Variants in DOK6 observed in about 807,000 individuals in gnomAD.
The protein encoded by DOK6 is docking protein 6.
A neutral mutation model predicts 44.0 loss-of-function variants in DOK6; 22 were observed. That is an observed-to-expected ratio of 0.50 (90% CI 0.36 to 0.71). The LOEUF is 0.71. DOK6 is among the 30% of genes least tolerant of loss of function. The probability of loss-of-function intolerance (pLI) is 0.00; values close to 1 mark genes in which losing one functional copy is unlikely to be tolerated. For missense variants in DOK6, 340 were observed against 416.4 expected, an observed-to-expected ratio of 0.82 and a Z score of 1.60; for synonymous variants, 166 against 145.5, an observed-to-expected ratio of 1.14 and a Z score of -1.01.
chr18:69,744,309 C>CA (rs3050449), intron 6 of DOK6, among the ~76,000 whole-genome samples: 41 of 143,632 alleles, frequency 2.9e-4, no homozygotes, highest in African/African-American at 4.8e-4. Flanking sequence ...GACTCCGTAT[C>CA]AAAAAAAAAA....
chr18:69,536,519 TAATATATA>T (rs1330221479), intron 1 of DOK6, among the ~76,000 whole-genome samples: 1 of 148,246 alleles, frequency 6.7e-6, no homozygotes, highest in Non-Finnish European at 1.5e-5. Context: ...TATAAACAAA[TAATATATA>T]ATTTTGGTTA....
At chr18:69,506,194 T>A (rs1981181701) in intron 1 of DOK6, among the ~76,000 whole-genome samples, 2 of 152,116 alleles carry the variant, frequency 1.3e-5, no homozygotes, top group Non-Finnish European at 2.9e-5. Flanking sequence ...GACTCTTTTT[T>A]AAAAAAGTAT....
chr18:69,606,757 A>ATTTTT lies in DOK6; in HGVS notation c.289+7275_289+7279dup, dbSNP rs71176989. Among the ~76,000 whole-genome samples the ATTTTT allele has an allele frequency of 1.4e-3, 156 of 115,126 alleles. 1 individual carries two copies. Among genetic ancestry groups the ATTTTT allele is most frequent in the African/African-American group, 3.1e-3 (90 of 29,224 alleles). 75.5% of individuals were successfully genotyped at this position (115,126 alleles called of 152,430 possible). A position where few individuals can be genotyped will look rare whatever the true frequency, so the allele number is the denominator to read the frequency against. ...ACTGATAACAAAAGATTCAAAAAGG[A>ATTTTT]TTTTTTTTTTTTTTTTTTTTGGAGA... On this transcript the variant is annotated intron_variant, in intron 3 of 7. Coordinates refer to ENST00000382713, the MANE Select transcript of DOK6 (RefSeq NM_152721.6).
chr18:69,409,319 A>G (rs1467025042), intron 1 of DOK6, among the ~76,000 whole-genome samples: 4 of 152,218 alleles, frequency 2.6e-5, no homozygotes, highest in Admixed American at 6.5e-5. Context: ...ATGGACTAAT[A>G]CACATGTAGA....
chr18:69,626,617 T>C (rs560328396), intron 3 of DOK6, among the ~76,000 whole-genome samples: 11 of 152,262 alleles, frequency 7.2e-5, no homozygotes, highest in Non-Finnish European at 1.5e-4. Flanking sequence ...GATAAATGCT[T>C]CCAAGAAAAT....
At position 69,651,481 on chromosome 18, in the gene DOK6, C is replaced by CT. The variant is rs1568322475; in HGVS notation, c.290-26253_290-26252insT. On this transcript the variant is annotated intron_variant, in intron 3 of 7. Transcript: ENST00000382713. ...TGCATTGCATCATCAGCCCCCCGCT[C>CT]CTTTTTTTTTTTTTTTTTTTTTTTT... Among the ~76,000 whole-genome samples the CT allele has an allele frequency of 1.8e-3, 263 of 143,832 alleles. 2 individuals carry two copies. Among genetic ancestry groups the CT allele is most frequent in the African/African-American group, 6.9e-3 (257 of 37,494 alleles). The allele number at this position is 143,832 out of a possible 152,430, so 94.4% of individuals were successfully genotyped here.
At chr18:69,619,428 TG>T (rs1984388672) in intron 3 of DOK6, among the ~76,000 whole-genome samples, 1 of 152,238 alleles carries the variant, frequency 6.6e-6, no homozygotes, top group Admixed American at 6.5e-5. Context: ...TTCATGATCG[TG>T]GGTGTCCAGA....
At chr18:69,521,592 G>A (rs906521549) in intron 1 of DOK6, among the ~76,000 whole-genome samples, 1 of 151,782 alleles carries the variant, frequency 6.6e-6, no homozygotes, top group Non-Finnish European at 1.5e-5. Context: ...TCTATGAGTG[G>A]GGAATATCGA....
At chr18:69,775,416 T>G (rs1429025142) in intron 7 of DOK6, among the ~76,000 whole-genome samples, 1 of 151,876 alleles carries the variant, frequency 6.6e-6, no homozygotes, top group Non-Finnish European at 1.5e-5. Context: ...AAAGGTAGAA[T>G]TAAAATAGTT....
intron 1 of DOK6, among the ~76,000 whole-genome samples, chr18:69,509,111 G>A (rs1030286924): frequency 6.6e-6 from 1 of 152,092 alleles, no homozygotes; most frequent in Admixed American, 6.5e-5. Context: ...CCAGTGGTAA[G>A]ACACACCCTG....
chr18:69,516,801 G>T, intron 1 of DOK6, among the ~76,000 whole-genome samples: 1 of 151,530 alleles, frequency 6.6e-6, no homozygotes, highest in Non-Finnish European at 1.5e-5. Flanking sequence ...TCAGCCTCCG[G>T]AGAAGCTGGG....
chr18:69,829,307 G>A (rs1162190221), intron 7 of DOK6, among the ~76,000 whole-genome samples: 2 of 150,262 alleles, frequency 1.3e-5, no homozygotes, highest in African/African-American at 4.9e-5. Flanking sequence ...TGGAAACAAA[G>A]AGAAGTTTCT....
At chr18:69,629,783 G>T (rs1431020775) in intron 3 of DOK6, among the ~76,000 whole-genome samples, 4 of 149,794 alleles carry the variant, frequency 2.7e-5, no homozygotes, top group Non-Finnish European at 4.4e-5. Context: ...TTGTTTGTTT[G>T]TTTTTGTTTG....
intron 3 of DOK6, among the ~76,000 whole-genome samples, chr18:69,618,379 A>G (rs191505878): frequency 6.6e-5 from 10 of 152,316 alleles, no homozygotes; most frequent in Admixed American, 6.5e-4. Context: ...AGAAATGATG[A>G]AATTCCTCTG....
intron 6 of DOK6, among the ~76,000 whole-genome samples, chr18:69,742,034 C>G (rs933128209): frequency 3.3e-5 from 5 of 152,104 alleles, no homozygotes; most frequent in African/African-American, 1.2e-4. Flanking sequence ...CTTTGGGGGG[C>G]CACATGAATA....
chr18:69,401,276 AG>A lies in DOK6; in HGVS notation c.35del (p.Gly12AlafsTer3). MASNFNDIVK[Q>X]GYVKIRSRKL... ...TCCAACTTTAACGACATAGTCAAGC[AG>A]GGCTACGTGAAAATCCGCAGCAGGA... is the stretch of plus-strand genomic sequence containing the variant. On this transcript the variant is annotated frameshift_variant, in exon 1 of 8. Coordinates refer to ENST00000382713, the MANE Select transcript of DOK6 (RefSeq NM_152721.6). LOFTEE classifies it high-confidence loss of function. 1 of 1,585,286 alleles carries A rather than the reference AG, an allele frequency of 6.3e-7. No individual in the cohort carries two copies. The highest frequency in any genetic ancestry group is 8.6e-7 in the Non-Finnish European group (1 of 1,166,466).
chr18:69,729,801 A>G (rs1430227956), intron 5 of DOK6, among the ~76,000 whole-genome samples: 1 of 152,234 alleles, frequency 6.6e-6, no homozygotes, highest in African/African-American at 2.4e-5. Flanking sequence ...TAGGAAGCAA[A>G]CAAATCAGAT....
chr18:69,754,007 T>A (rs2144751179), intron 6 of DOK6, among the ~76,000 whole-genome samples: 1 of 152,296 alleles, frequency 6.6e-6, no homozygotes, highest in East Asian at 1.9e-4. Flanking sequence ...CCTTATATAT[T>A]TTGTTGATAT....
chr18:69,709,113 A>G (rs1029814243), intron 5 of DOK6, among the ~76,000 whole-genome samples: 1 of 152,144 alleles, frequency 6.6e-6, no homozygotes, highest in Non-Finnish European at 1.5e-5. Context: ...ATTTCGTGAA[A>G]TCTTCTTTAA....
Sources: allele counts gnomAD v4.1 joint callset (sites outside exome capture counted in the v4.1 genomes callset), GRCh38; gene constraint gnomAD v4.1.1; transcripts MANE v1.5; gene names NCBI Gene and HGNC (gene_info 2026-07-23, HGNC 2026-07-21).